BCAS4: variants seen among roughly 807,000 people sequenced by gnomAD.
BCAS4 encodes breast carcinoma-amplified sequence 4.
Under a neutral mutation model 15.7 loss-of-function variants are expected in BCAS4, and 9 were observed. The ratio of observed to expected loss-of-function variants is 0.57; its 90% CI spans 0.34 to 1.00. BCAS4 has a LOEUF of 1.00. BCAS4 is among the 50% of genes least tolerant of loss of function. The pLI is 0.02. For synonymous variants in BCAS4, 101 were observed against 99.5 expected (o/e 1.02, Z -0.09); for missense variants, 225 against 239.1 (o/e 0.94, Z 0.39).
chr20:50,819,310 A>T (rs777203899), intron 2 of BCAS4, among the ~76,000 whole-genome samples: 2 of 152,174 alleles, frequency 1.3e-5, no homozygotes, highest in South Asian at 4.1e-4. Context: ...TATTAGAGGC[A>T]AACCAGTAAC....
chr20:50,807,299 C>T (rs750047968), intron 1 of BCAS4, among the ~76,000 whole-genome samples: 16 of 151,998 alleles, frequency 1.1e-4, no homozygotes, highest in Admixed American at 6.6e-5. Flanking sequence ...CTCAAGCGAT[C>T]CTCCCACCCC....
intron 3 of BCAS4, among the ~76,000 whole-genome samples, chr20:50,831,557 A>G (rs1258782729): frequency 6.6e-6 from 1 of 152,128 alleles, no homozygotes; most frequent in African/African-American, 2.4e-5. Flanking sequence ...GCTAAGATGC[A>G]TGGCATCTCA....
intron 3 of BCAS4, among the ~76,000 whole-genome samples, chr20:50,838,674 G>A (rs1179060707): frequency 3.9e-5 from 6 of 152,018 alleles, no homozygotes; most frequent in South Asian, 2.1e-4. Flanking sequence ...GAGAAACTCC[G>A]TCTCTACTAA....
At chr20:50,805,646 C>T (rs1176622621) in intron 1 of BCAS4, among the ~76,000 whole-genome samples, 2 of 152,120 alleles carry the variant, frequency 1.3e-5, no homozygotes, top group Non-Finnish European at 2.9e-5. Flanking sequence ...CCCACCTGCA[C>T]TGCTGTTTTT....
intron 1 of BCAS4, among the ~76,000 whole-genome samples, chr20:50,806,236 A>G (rs1002012830): frequency 6.6e-6 from 1 of 152,214 alleles, no homozygotes. Flanking sequence ...GGGAGTCAGA[A>G]GCACAGAGAT....
intron 1 of BCAS4, among the ~76,000 whole-genome samples, chr20:50,816,791 ATTTTTTTTTTT>A (rs35600563): frequency 2.8e-4 from 23 of 80,926 alleles, no homozygotes; most frequent in East Asian, 9.8e-4. Flanking sequence ...TGCCTGGCTA[ATTTTTTTTTTT>A]TTTTTTTTTT....
chr20:50,816,869 A>G (rs1600856112), intron 1 of BCAS4, among the ~76,000 whole-genome samples: 2 of 125,822 alleles, frequency 1.6e-5, no homozygotes, highest in Non-Finnish European at 3.1e-5. Flanking sequence ...CAGTGGTGTG[A>G]CCTTGGCTCA....
At chr20:50,806,294 A>G (rs1014827607) in intron 1 of BCAS4, among the ~76,000 whole-genome samples, 1 of 152,192 alleles carries the variant, frequency 6.6e-6, no homozygotes, top group Non-Finnish European at 1.5e-5. Context: ...CAAGGCTGGG[A>G]CTAAGGCGCC....
downstream of BCAS4, chr20:50,878,027 T>G (rs1449161978): frequency 6.6e-6 from 1 of 152,254 alleles, no homozygotes; most frequent in Non-Finnish European, 1.5e-5. Flanking sequence ...GCCACTGCAC[T>G]CTAGCCTGGG....
intron 2 of BCAS4, among the ~76,000 whole-genome samples, chr20:50,823,844 A>G (rs1478744755): frequency 2.6e-5 from 4 of 152,044 alleles, no homozygotes; most frequent in African/African-American, 9.7e-5. Flanking sequence ...GAAATATTCT[A>G]TATCTTAGTC....
rs139048990 is a variant in BCAS4, at chr20:50,840,455, G to A, written c.265-1311G>A. On this transcript the variant is annotated intron_variant, in intron 3 of 4. Coordinates refer to ENST00000371608, the MANE Select transcript of BCAS4 (RefSeq NM_198799.4). Reference sequence around the variant, plus strand: ...ATAGACAGATGGGAGAGGCAGTCGCGGCCTTCGTTGTCAGTAGTTCTTTGA... The same window carrying A: ...ATAGACAGATGGGAGAGGCAGTCGCAGCCTTCGTTGTCAGTAGTTCTTTGA... 85 of 864,942 alleles carry A rather than the reference G, an allele frequency of 9.8e-5. No individual in the cohort carries two copies. The East Asian group carries it at 1.6e-3, about 16-fold the overall frequency. 53.6% of individuals were successfully genotyped at this position (864,942 alleles called of 1,614,324 possible).
chr20:50,826,296 G>C (rs1399490525), intron 2 of BCAS4, among the ~76,000 whole-genome samples: 1 of 152,142 alleles, frequency 6.6e-6, no homozygotes, highest in Non-Finnish European at 1.5e-5. Context: ...GGCAGAGCGT[G>C]GAGCTGGGGT....
chr20:50,812,365 C>T (rs553305803), intron 1 of BCAS4, among the ~76,000 whole-genome samples: 9 of 148,972 alleles, frequency 6.0e-5, no homozygotes, highest in East Asian at 5.9e-4. Flanking sequence ...GATCTCCTGA[C>T]GTTGTGATCC....
intron 2 of BCAS4, among the ~76,000 whole-genome samples, chr20:50,820,898 T>TG (rs976509884): frequency 2.0e-5 from 3 of 151,822 alleles, no homozygotes; most frequent in Non-Finnish European, 4.4e-5. Flanking sequence ...TTGATGTTTC[T>TG]GGGGGGGAAA....
chr20:50,829,286 A>C (rs1043880897), intron 2 of BCAS4, among the ~76,000 whole-genome samples: 1 of 152,062 alleles, frequency 6.6e-6, no homozygotes, highest in African/African-American at 2.4e-5. Context: ...TCTGTCACCC[A>C]GGCTGGAGTG....
intron 1 of BCAS4, among the ~76,000 whole-genome samples, chr20:50,816,687 C>T (rs2088141046): frequency 6.6e-6 from 1 of 151,718 alleles, no homozygotes; most frequent in Non-Finnish European, 1.5e-5. Context: ...GACAAGTTCT[C>T]ACTCTGTCGC....
chr20:50,881,991 T>C (rs1252317766), downstream of BCAS4: 1 of 152,264 alleles, frequency 6.6e-6, no homozygotes. Flanking sequence ...AAACATATTC[T>C]TGTACATTGA....
chr20:50,882,536 A>T, the BCAS4 span: 1 of 152,210 alleles, frequency 6.6e-6, no homozygotes, highest in East Asian at 1.9e-4. Context: ...GATAAACACA[A>T]ATTTGAGAAT....
intron 1 of BCAS4, among the ~76,000 whole-genome samples, chr20:50,815,734 G>T (rs1432475900): frequency 6.6e-6 from 1 of 151,726 alleles, no homozygotes; most frequent in Non-Finnish European, 1.5e-5. Context: ...TTATTTTGTT[G>T]TGGTGGAGAT....
Sources: allele counts gnomAD v4.1 joint callset (sites outside exome capture counted in the v4.1 genomes callset), GRCh38; gene constraint gnomAD v4.1.1; transcripts MANE v1.5; gene names NCBI Gene and HGNC (gene_info 2026-07-23, HGNC 2026-07-21).